Variants in ARHGAP5 observed in about 807,000 individuals in gnomAD.
ARHGAP5 encodes the protein Rho GTPase activating protein 5, also known as rho GTPase-activating protein 5.
In ARHGAP5, 23 loss-of-function variants were observed where a neutral mutation model predicts 116.6. The ratio of observed to expected loss-of-function variants is 0.20; its 90% CI spans 0.14 to 0.28. ARHGAP5 has a LOEUF of 0.28. ARHGAP5 is among the 10% of genes least tolerant of loss of function. The pLI is 1.00. For missense variants in ARHGAP5, 1,405 were observed against 1,774.8 expected, an observed-to-expected ratio of 0.79 and a Z score of 3.74; for synonymous variants, 574 against 602.0, an observed-to-expected ratio of 0.95 and a Z score of 0.68.
At chr14:32,105,489 A>T (rs181420197) in intron 2 of ARHGAP5, among the ~76,000 whole-genome samples, 2,909 of 148,202 alleles carry the variant, frequency 0.02, 71 homozygotes, top group African/African-American at 0.056. Flanking sequence ...TTTTTTTTTT[A>T]AAAAAAAGAG....
In ARHGAP5 at chr14:32,090,570, A is replaced by T; in HGVS notation, c.-100A>T. ...GAGGGAAATACAAAGAACCAAATACAGTTCTGAAATTTGGGATCTGTATTT... is the reference window on the plus strand; with the variant it reads ...GAGGGAAATACAAAGAACCAAATACTGTTCTGAAATTTGGGATCTGTATTT... On this transcript the variant is annotated 5_prime_UTR_variant, in exon 2 of 7. Transcript: ENST00000345122. 1 of 1,073,584 alleles carries T rather than the reference A, an allele frequency of 9.3e-7. No individual in the cohort carries two copies. Among genetic ancestry groups the T allele is most frequent in the South Asian group, 1.6e-5 (1 of 62,274 alleles). 66.5% of individuals were successfully genotyped at this position (1,073,584 alleles called of 1,614,324 possible).
rs374090157 is a variant in ARHGAP5 at position 32,135,068 on chromosome 14, A to T, written c.3866-11195A>T. Among the ~76,000 whole-genome samples the T allele has an allele frequency of 6.6e-5, 10 of 152,294 alleles. No homozygotes were observed. In the South Asian group the frequency reaches 1.0e-3, roughly 16 times the overall value. On this transcript the variant is annotated intron_variant, in intron 3 of 6. Transcript: ENST00000345122. ...GTCCATTCCCAGCATTGTTTGTCTT[A>T]ACATCTGTTTTACAGGGAAGACTCA...
intron 2 of ARHGAP5, among the ~76,000 whole-genome samples, chr14:32,096,479 G>A (rs181702459): frequency 1.5e-3 from 226 of 152,142 alleles, no homozygotes; most frequent in African/African-American, 4.6e-3. Flanking sequence ...GCATAAATAA[G>A]CACTGAATAA....
rs1881376814 is a variant in ARHGAP5, at chr14:32,146,287, G to A, written c.3890G>A (p.Arg1297His). 1.2e-6 allele frequency: 2 copies of A among 1,612,752 alleles called. No individual in the cohort carries two copies. Among genetic ancestry groups the A allele is most frequent in the Non-Finnish European group, 8.5e-7 (1 of 1,178,962 alleles). Residue 1297 changes from arginine to histidine, a missense_variant, in exon 4 of 7, where the codon CGT (arginine) becomes CAT (histidine). Physicochemically the swap from Arg to His is conservative, Grantham distance 29. Around this residue, in one of 6 missense-constraint regions of ARHGAP5, gnomAD observed 176 missense variants for 221.2 expected, o/e 0.80. Transcript: ENST00000345122. ...DTGLCTEGLYRVSGNKTDQDN... is the reference protein window; with the variant it reads ...DTGLCTEGLYHVSGNKTDQDN... ...GGGTTATGTACCGAAGGACTCTACC[G>A]TGTCAGCGGGAATAAAACTGACCAA...
intron 1 of ARHGAP5, among the ~76,000 whole-genome samples, chr14:32,079,504 A>G (rs1179812986): frequency 6.6e-6 from 1 of 152,204 alleles, no homozygotes; most frequent in East Asian, 1.9e-4. Context: ...GTGTTTGAAA[A>G]GCATATTAGC....
chr14:32,125,341 TATAC>T (rs762231097), intron 3 of ARHGAP5, among the ~76,000 whole-genome samples: 6 of 152,222 alleles, frequency 3.9e-5, no homozygotes, highest in Non-Finnish European at 7.4e-5. Context: ...ATTATGTGTA[TATAC>T]ATACATACAT....
In ARHGAP5 at chr14:32,091,905, A is replaced by C. The variant is rs1878270288; in HGVS notation, c.1236A>C (p.Lys412Asn). ...TCCTGAGCACTTTAGAAGCTGAAAAAGTCTATCAGAACCATGTACAGCATC... is the reference window on the plus strand; with the variant it reads ...TCCTGAGCACTTTAGAAGCTGAAAACGTCTATCAGAACCATGTACAGCATC... ...FDLLSTLEAEKVYQNHVQHLI... is the reference protein window; with the variant it reads ...FDLLSTLEAENVYQNHVQHLI... Residue 412 changes from lysine to asparagine, a missense_variant, in exon 2 of 7, where the codon AAA (lysine) becomes AAC (asparagine). Around this residue, in one of 6 missense-constraint regions of ARHGAP5, gnomAD observed 944 missense variants for 1,095.3 expected, o/e 0.86. Coordinates refer to ENST00000345122, the MANE Select transcript of ARHGAP5 (RefSeq NM_001030055.2). 6.2e-7 allele frequency: 1 copy of C among 1,613,504 alleles called. No individual in the cohort carries two copies. The highest frequency in any genetic ancestry group is 8.5e-7 in the Non-Finnish European group (1 of 1,179,660).
chr14:32,115,712 A>G (rs1330149733), intron 2 of ARHGAP5, among the ~76,000 whole-genome samples: 1 of 146,656 alleles, frequency 6.8e-6, no homozygotes, highest in Non-Finnish European at 1.5e-5. Flanking sequence ...TGGCTCATGC[A>G]TGTAGTCCCA....
At position 32,151,662 on chromosome 14, in the gene ARHGAP5, C is replaced by T. The variant is rs373496814; in HGVS notation, c.4076-761C>T. ...GTTTGTTACATGTTGTCTGTTACTGCTTTTGTGCTACAACACAGGGTTGAG... is the reference window on the plus strand; with the variant it reads ...GTTTGTTACATGTTGTCTGTTACTGTTTTTGTGCTACAACACAGGGTTGAG... On this transcript the variant is annotated intron_variant, in intron 5 of 6. Transcript: ENST00000345122. Among the ~76,000 whole-genome samples the T allele has an allele frequency of 3.0e-4, 45 of 152,300 alleles. No individual in the cohort carries two copies. In the East Asian group the frequency reaches 7.7e-3, roughly 26 times the overall value.
At chr14:32,153,590 A>G (rs1881758759) in intron 6 of ARHGAP5, among the ~76,000 whole-genome samples, 1 of 147,028 alleles carries the variant, frequency 6.8e-6, no homozygotes, top group African/African-American at 2.5e-5. Flanking sequence ...CTCTTGCCTC[A>G]GCCTCCCGAG....
chr14:32,119,143 A>G (rs1387797188), intron 3 of ARHGAP5, among the ~76,000 whole-genome samples: 1 of 152,124 alleles, frequency 6.6e-6, no homozygotes, highest in African/African-American at 2.4e-5. Context: ...TTTTAAAACT[A>G]TTAAGCAGTT....
chr14:32,126,719 G>A (rs1459571842), intron 3 of ARHGAP5, among the ~76,000 whole-genome samples: 1 of 152,002 alleles, frequency 6.6e-6, no homozygotes, highest in Non-Finnish European at 1.5e-5. Context: ...ATTTTTCTGT[G>A]TCAGTTGAGA....
intron 3 of ARHGAP5, among the ~76,000 whole-genome samples, chr14:32,120,619 T>C (rs757246180): frequency 4.0e-5 from 6 of 151,858 alleles, no homozygotes; most frequent in Non-Finnish European, 7.4e-5. Context: ...TTTTTTTTTT[T>C]TTAAATTAAC....
intron 2 of ARHGAP5, among the ~76,000 whole-genome samples, chr14:32,114,065 A>T (rs1879436325): frequency 1.3e-5 from 2 of 152,104 alleles, no homozygotes; most frequent in South Asian, 4.1e-4. Flanking sequence ...CATCTCTACT[A>T]AAAATACAAA....
At chr14:32,100,109 T>C (rs1379875899) in intron 2 of ARHGAP5, among the ~76,000 whole-genome samples, 3 of 152,252 alleles carry the variant, frequency 2.0e-5, no homozygotes, top group South Asian at 2.1e-4. Flanking sequence ...TTGTGCCCTC[T>C]GTATCCGTGA....
chr14:32,081,612 A>T (rs2041775488), intron 1 of ARHGAP5, among the ~76,000 whole-genome samples: 1 of 151,862 alleles, frequency 6.6e-6, no homozygotes, highest in South Asian at 2.1e-4. Context: ...AGCCAGAGTG[A>T]AAGATTTGGA....
chr14:32,147,194 A>G (rs757808967), intron 4 of ARHGAP5, among the ~76,000 whole-genome samples: 4 of 152,220 alleles, frequency 2.6e-5, no homozygotes, highest in East Asian at 1.9e-4. Flanking sequence ...AAATGAGTGA[A>G]TATTTTTATA....
intron 2 of ARHGAP5, among the ~76,000 whole-genome samples, chr14:32,100,556 T>G (rs1878745616): frequency 6.6e-6 from 1 of 152,224 alleles, no homozygotes; most frequent in African/African-American, 2.4e-5. Context: ...TACACTGTTT[T>G]AGGTTATTAT....
intron 1 of ARHGAP5, among the ~76,000 whole-genome samples, chr14:32,086,504 A>G (rs1232669124): frequency 2.0e-5 from 3 of 150,748 alleles, no homozygotes; most frequent in African/African-American, 7.5e-5. Flanking sequence ...TGAGAGCAGT[A>G]AAAGTAGAAA....
Sources: gnomAD v4.1 joint callset for allele counts (sites outside exome capture counted in the v4.1 genomes callset) on GRCh38, gnomAD v4.1.1 for gene constraint, gnomAD v4.1.1 regional missense constraint, MANE v1.5 for transcripts, NCBI Gene and HGNC (gene_info 2026-07-23, HGNC 2026-07-21) for gene names.